The following GRID1 variants were observed in gnomAD, a reference collection of about 807,000 sequenced individuals.
The protein encoded by GRID1 is glutamate receptor ionotropic, delta-1.
GRID1 carries 28 observed loss-of-function variants against 98.0 expected under a neutral mutation model. That is an observed-to-expected ratio of 0.29 (90% CI 0.21 to 0.39). GRID1 has a LOEUF of 0.39. GRID1 is among the 10% of genes least tolerant of loss of function. GRID1 has a pLI of 1.00. For missense variants in GRID1, 1,111 were observed against 1,340.5 expected (o/e 0.83, Z 2.67); for synonymous variants, 553 against 538.5 (o/e 1.03, Z -0.37).
chr10:86,310,800 G>A (rs946967228), intron 2 of GRID1, among the ~76,000 whole-genome samples: 16 of 152,158 alleles, frequency 1.1e-4, no homozygotes, highest in African/African-American at 3.9e-4. Flanking sequence ...TATTTTTGGA[G>A]CATCCAAAAA....
chr10:85,771,936 AC>A (rs1842273315), intron 8 of GRID1, among the ~76,000 whole-genome samples: 1 of 152,158 alleles, frequency 6.6e-6, no homozygotes, highest in Non-Finnish European at 1.5e-5. Flanking sequence ...TAACAAGGAT[AC>A]CCAGGAATTG....
intron 8 of GRID1, among the ~76,000 whole-genome samples, chr10:85,747,556 A>G (rs748946601): frequency 6.6e-6 from 1 of 152,090 alleles, no homozygotes; most frequent in African/African-American, 2.4e-5. Flanking sequence ...GCCCCATACT[A>G]TAGAGGTTTC....
rs1396301455 is a variant in GRID1, at chr10:85,701,939, C to T, written c.1997+21064G>A. ...AAGAACTTACTTATGTAACCAAACA[C>T]CACCTGTTCCCCAACAACCAATGGG... On this transcript the variant is annotated intron_variant, in intron 12 of 15. Coordinates refer to ENST00000327946, the MANE Select transcript of GRID1 (RefSeq NM_017551.3). Among the ~76,000 whole-genome samples the T allele has an allele frequency of 4.6e-5, 7 of 152,164 alleles. No homozygotes were observed. In the South Asian group the frequency reaches 1.5e-3, roughly 32 times the overall value.
intron 4 of GRID1, among the ~76,000 whole-genome samples, chr10:85,941,832 T>TA (rs1842000534): frequency 2.0e-5 from 3 of 152,224 alleles, no homozygotes; most frequent in Admixed American, 2.0e-4. Context: ...AACGTAATTT[T>TA]AAGCAATGGA....
intron 3 of GRID1, among the ~76,000 whole-genome samples, chr10:86,142,416 C>T (rs962835560): frequency 2.6e-5 from 4 of 152,248 alleles, no homozygotes; most frequent in African/African-American, 9.6e-5. Flanking sequence ...GTGGCACTGT[C>T]CACACGGGGC....
intron 2 of GRID1, among the ~76,000 whole-genome samples, chr10:86,345,619 G>T (rs867329360): frequency 3.7e-4 from 57 of 152,322 alleles, no homozygotes; most frequent in Admixed American, 9.8e-4. Context: ...AGAGGCAGGG[G>T]TTGGGGGAGC....
At chr10:85,826,117 G>C (rs901146186) in intron 8 of GRID1, among the ~76,000 whole-genome samples, 1 of 151,930 alleles carries the variant, frequency 6.6e-6, no homozygotes, top group Non-Finnish European at 1.5e-5. Flanking sequence ...ACCTGAGGTC[G>C]GGTGTTCCAG....
intron 8 of GRID1, 64 bp from the exon 9 acceptor site, chr10:85,729,678 G>C: frequency 1.0e-6 from 1 of 983,556 alleles, no homozygotes; most frequent in Non-Finnish European, 1.6e-6. Context: ...ATAGGACCTC[G>C]GCTCCTACAC....
At chr10:86,133,155 A>G (rs573312428) in intron 4 of GRID1, among the ~76,000 whole-genome samples, 1 of 152,306 alleles carries the variant, frequency 6.6e-6, no homozygotes, top group East Asian at 1.9e-4. Flanking sequence ...GCCACCAGCA[A>G]TGCTCTCCTC....
intron 12 of GRID1, among the ~76,000 whole-genome samples, chr10:85,690,965 A>T (rs914980858): frequency 7.2e-5 from 11 of 152,344 alleles, no homozygotes; most frequent in African/African-American, 2.6e-4. Context: ...TAAGGGAAAG[A>T]TAGATTTATT....
chr10:86,115,452 G>A (rs1429609135), intron 4 of GRID1, among the ~76,000 whole-genome samples: 4 of 152,182 alleles, frequency 2.6e-5, no homozygotes, highest in South Asian at 2.1e-4. Context: ...TGTTAAACAC[G>A]ATAGCAGCTA....
chr10:86,317,205 C>T (rs917232351), intron 2 of GRID1, among the ~76,000 whole-genome samples: 1 of 152,166 alleles, frequency 6.6e-6, no homozygotes, highest in Non-Finnish European at 1.5e-5. Context: ...CATAGCCGCC[C>T]CTTTGTCCTG....
In GRID1 at chr10:85,713,810, G is replaced by A. The variant is rs190023598; in HGVS notation, c.1997+9193C>T. On this transcript the variant is annotated intron_variant, in intron 12 of 15. Transcript: ENST00000327946. ...TTAGAGAAAATTTAACATCTTTCATGATAAAAATTTTCAGCAAATTAAGAC... is the reference window on the plus strand; with the variant it reads ...TTAGAGAAAATTTAACATCTTTCATAATAAAAATTTTCAGCAAATTAAGAC... Among the ~76,000 whole-genome samples, 4 of 151,912 alleles carry A rather than the reference G, an allele frequency of 2.6e-5. No homozygotes were observed. The East Asian group carries it at 7.7e-4, about 29-fold the overall frequency.
In GRID1 at chr10:85,603,511, TAAGA is replaced by T. The variant is rs559143051; in HGVS notation, c.2602-814_2602-811del. ...AAATTACTTGGCTTGTTTATTTGCTTAAGAAAGAAAACAAAACAGAACAAATATT... is the reference window on the plus strand; with the variant it reads ...AAATTACTTGGCTTGTTTATTTGCTTAAGAAAACAAAACAGAACAAATATT... On this transcript the variant is annotated intron_variant, in intron 15 of 15. Transcript: ENST00000327946. Among the ~76,000 whole-genome samples the T allele has an allele frequency of 1.8e-4, 28 of 152,360 alleles. No homozygotes were observed. In the East Asian group the frequency reaches 5.4e-3, roughly 29 times the overall value.
At chr10:86,002,881 A>G (rs1028815853) in intron 4 of GRID1, among the ~76,000 whole-genome samples, 9 of 152,220 alleles carry the variant, frequency 5.9e-5, no homozygotes, top group African/African-American at 2.2e-4. Context: ...CTGGGGATAC[A>G]AAGATAAACA....
At chr10:85,744,297 C>T (rs1437331047) in intron 8 of GRID1, among the ~76,000 whole-genome samples, 2 of 152,154 alleles carry the variant, frequency 1.3e-5, no homozygotes, top group Non-Finnish European at 2.9e-5. Context: ...AAAGAAGAGA[C>T]TGTCAGAAAT....
rs966543675 is a variant in GRID1, at chr10:86,365,177, C to T, written c.80-1081G>A. Among the ~76,000 whole-genome samples, 7 of 152,142 alleles carry T rather than the reference C, an allele frequency of 4.6e-5. No homozygotes were observed. Among genetic ancestry groups the T allele is most frequent in the Admixed American group, 3.9e-4 (6 of 15,280 alleles). On this transcript the variant is annotated intron_variant, in intron 1 of 15. Transcript: ENST00000327946. This position sits in a 1 kb window ranked among gnomAD's most constrained non-coding sequence, Gnocchi z 4.8. ...CTCCAGGGCGGGAAGCAGGTTTGGT[C>T]ACGGGCCCCTGAGGAGGAATCGTAG... is the stretch of plus-strand genomic sequence containing the variant.
chr10:85,618,106 T>C (rs1483127688), intron 14 of GRID1, among the ~76,000 whole-genome samples: 1 of 152,200 alleles, frequency 6.6e-6, no homozygotes, highest in Non-Finnish European at 1.5e-5. Flanking sequence ...CATTCAGCAG[T>C]CCAGCCAAGA....
intron 12 of GRID1, among the ~76,000 whole-genome samples, chr10:85,712,511 A>T (rs953833973): frequency 2.0e-5 from 3 of 151,896 alleles, no homozygotes; most frequent in East Asian, 1.9e-4. Context: ...CAATGGAAAG[A>T]TCATCCAGGC....
Sources: allele counts gnomAD v4.1 joint callset (sites outside exome capture counted in the v4.1 genomes callset), GRCh38; gene constraint gnomAD v4.1.1; non-coding constraint Gnocchi (gnomAD v3.1); transcripts MANE v1.5; gene names NCBI Gene and HGNC (gene_info 2026-07-23, HGNC 2026-07-21).